The following MTREX variants were observed in gnomAD, a reference collection of about 807,000 sequenced individuals.
MTREX encodes the protein exosome RNA helicase MTR4.
A neutral mutation model predicts 135.4 loss-of-function variants in MTREX; 76 were observed. The ratio of observed to expected loss-of-function variants is 0.56; its 90% CI spans 0.47 to 0.68. MTREX has a LOEUF of 0.68. Ranked by LOEUF, MTREX falls within the 30% of genes least tolerant of loss-of-function variation. The probability of loss-of-function intolerance (pLI) is 0.00; values close to 1 mark genes in which losing one functional copy is unlikely to be tolerated. For missense variants in MTREX, 920 were observed against 1,262.1 expected (o/e 0.73, Z 4.11); for synonymous variants, 404 against 401.6 (o/e 1.01, Z -0.07).
At chr5:55,360,494 G>T (rs561572829) in intron 15 of MTREX, among the ~76,000 whole-genome samples, 1 of 152,000 alleles carries the variant, frequency 6.6e-6, no homozygotes, top group African/African-American at 2.4e-5. Flanking sequence ...GGGTCATAGA[G>T]TAAATCTATG....
intron 15 of MTREX, among the ~76,000 whole-genome samples, chr5:55,365,119 C>A (rs372514457): frequency 6.6e-6 from 1 of 151,786 alleles, no homozygotes; most frequent in Non-Finnish European, 1.5e-5. Context: ...AATATAGAAG[C>A]GGAGCATGGG....
At position 55,351,145 on chromosome 5, in the gene MTREX, A is replaced by G. The variant is rs971559275; in HGVS notation, c.1431+116A>G. On this transcript the variant is annotated intron_variant, in intron 13 of 26. Coordinates refer to ENST00000230640, the MANE Select transcript of MTREX (RefSeq NM_015360.5). ...GTTTTTAACAAGGCTTAATGAAATG[A>G]CTTAAATAATGAACTTAATTTTTAT... The G allele has an allele frequency of 4.1e-6, 5 of 1,234,342 alleles. No individual in the cohort carries two copies. The Admixed American group carries it at 1.5e-4, about 38-fold the overall frequency. 76.5% of individuals were successfully genotyped at this position (1,234,342 alleles called of 1,614,324 possible). A position where few individuals can be genotyped will look rare whatever the true frequency, so the allele number is the denominator to read the frequency against.
chr5:55,397,160 G>T (rs558627363), intron 19 of MTREX, among the ~76,000 whole-genome samples: 8 of 152,280 alleles, frequency 5.3e-5, no homozygotes, highest in African/African-American at 1.9e-4. Flanking sequence ...ATTCTGTATT[G>T]AGGGGAGCTC....
At chr5:55,314,079 T>C (rs1749160917) in intron 1 of MTREX, among the ~76,000 whole-genome samples, 1 of 152,128 alleles carries the variant, frequency 6.6e-6, no homozygotes, top group African/African-American at 2.4e-5. Context: ...CTGTTACAAA[T>C]GATGCAACAA....
chr5:55,359,994 TATATTC>T (rs1749982007), intron 15 of MTREX, among the ~76,000 whole-genome samples: 1 of 152,298 alleles, frequency 6.6e-6, no homozygotes, highest in Non-Finnish European at 1.5e-5. Context: ...TGGTTTTTAA[TATATTC>T]ATAGAGTTTT....
At chr5:55,415,539 T>C (rs1750953917) in intron 24 of MTREX, among the ~76,000 whole-genome samples, 2 of 152,206 alleles carry the variant, frequency 1.3e-5, no homozygotes, top group Admixed American at 1.3e-4. Context: ...ATGAAGTTTC[T>C]CAACTTAGAG....
At chr5:55,377,287 A>G (rs554495831) in intron 16 of MTREX, among the ~76,000 whole-genome samples, 27 of 152,150 alleles carry the variant, frequency 1.8e-4, no homozygotes, top group Non-Finnish European at 2.4e-4. Context: ...AGATCACGCC[A>G]CTGCACTCTA....
intron 1 of MTREX, among the ~76,000 whole-genome samples, chr5:55,310,205 T>C (rs1451205479): frequency 6.6e-6 from 1 of 152,196 alleles, no homozygotes; most frequent in Non-Finnish European, 1.5e-5. Flanking sequence ...TTTCATTATA[T>C]TAGGAAATGA....
rs549162546 is a variant in MTREX, at chr5:55,379,106, C to T, written c.1984-21C>T. The T allele has an allele frequency of 1.2e-5, 19 of 1,577,618 alleles. No individual in the cohort carries two copies. The South Asian group carries it at 1.6e-4, about 13-fold the overall frequency. On this transcript the variant is annotated intron_variant, in intron 17 of 26. Transcript: ENST00000230640. Reference sequence around the variant, plus strand: ...TAGATATACATTTGATTCTTGCTTACTTGCTTTTCTTTCTTTTTAGGTAAA... The same window carrying T: ...TAGATATACATTTGATTCTTGCTTATTTGCTTTTCTTTCTTTTTAGGTAAA...
intron 1 of MTREX, among the ~76,000 whole-genome samples, chr5:55,321,407 T>A (rs888783717): frequency 2.6e-5 from 4 of 152,120 alleles, no homozygotes; most frequent in South Asian, 4.1e-4. Flanking sequence ...CTTTTAAAAA[T>A]TGATTTATAA....
At chr5:55,355,345 A>T (rs560739841) in intron 14 of MTREX, among the ~76,000 whole-genome samples, 1 of 152,262 alleles carries the variant, frequency 6.6e-6, no homozygotes, top group South Asian at 2.1e-4. Context: ...CTGACAATGG[A>T]ATCCTAATGG....
At chr5:55,384,674 T>C (rs1750450097) in intron 18 of MTREX, among the ~76,000 whole-genome samples, 1 of 152,214 alleles carries the variant, frequency 6.6e-6, no homozygotes, top group Non-Finnish European at 1.5e-5. Flanking sequence ...TGTTTATTTG[T>C]TTAGTGTCGG....
At chr5:55,411,440 GTTTTT>G (rs998094234) in intron 23 of MTREX, among the ~76,000 whole-genome samples, 2 of 151,226 alleles carry the variant, frequency 1.3e-5, no homozygotes, top group African/African-American at 4.9e-5. Context: ...AAATTGTTTA[GTTTTT>G]TTTTAAGTTC....
intron 11 of MTREX, 52 bp from the exon 12 acceptor site, chr5:55,349,521 T>G: frequency 1.1e-6 from 1 of 943,824 alleles, no homozygotes; most frequent in Non-Finnish European, 1.7e-6. Flanking sequence ...TGTGTGAAGT[T>G]TGGTATCACT....
chr5:55,381,583 A>G lies in MTREX; in HGVS notation c.2052+2388A>G, dbSNP rs1442999871. Among the ~76,000 whole-genome samples, 6 of 151,982 alleles carry G rather than the reference A, an allele frequency of 3.9e-5. No homozygotes were observed. The South Asian group carries it at 1.0e-3, about 26-fold the overall frequency. The stretch of plus-strand genomic sequence containing the variant: ...AATTTCCCAAATTTTTGTCTTTATT[A>G]TTTCTAATTTTGTTTTTGTCGAGAA... On this transcript the variant is annotated intron_variant, in intron 18 of 26. Coordinates refer to ENST00000230640, the MANE Select transcript of MTREX (RefSeq NM_015360.5).
intron 1 of MTREX, among the ~76,000 whole-genome samples, chr5:55,312,048 A>ATCACCCTGATTCC (rs750661465): frequency 2.6e-5 from 4 of 152,194 alleles, no homozygotes; most frequent in Non-Finnish European, 5.9e-5. Flanking sequence ...CGAAAATAGT[A>ATCACCCTGATTCC]TCACCCTGAT....
At chr5:55,347,272 A>G in intron 11 of MTREX, 128 bp downstream of exon 11, 1 of 876,856 alleles carries the variant, frequency 1.1e-6, no homozygotes, top group East Asian at 3.1e-5. Flanking sequence ...AGCAGTACTC[A>G]GCACATTTGT....
intron 25 of MTREX, among the ~76,000 whole-genome samples, chr5:55,418,251 A>G (rs1227974153): frequency 1.3e-5 from 2 of 151,526 alleles, no homozygotes; most frequent in Non-Finnish European, 2.9e-5. Flanking sequence ...AAAAAAGAAA[A>G]AAAGAAAAGT....
intron 9 of MTREX, among the ~76,000 whole-genome samples, 171 bp downstream of exon 9, chr5:55,344,791 A>G (rs1317876739): frequency 2.0e-5 from 3 of 152,132 alleles, no homozygotes; most frequent in Non-Finnish European, 4.4e-5. Flanking sequence ...TTCAAACATT[A>G]TGTTTGAGAC....
Sources: gnomAD v4.1 joint callset for allele counts (sites outside exome capture counted in the v4.1 genomes callset) on GRCh38, gnomAD v4.1.1 for gene constraint, MANE v1.5 for transcripts, NCBI Gene and HGNC (gene_info 2026-07-23, HGNC 2026-07-21) for gene names.